The following MTUS2 variants were observed in gnomAD, a reference collection of about 807,000 sequenced individuals.
MTUS2 encodes microtubule associated scaffold protein 2, also known as microtubule-associated tumor suppressor candidate 2.
MTUS2 carries 40 observed loss-of-function variants against 114.1 expected under a neutral mutation model. The observed-to-expected ratio is 0.35, with a 90% CI of 0.27 to 0.46. The LOEUF is 0.46. Ranked by LOEUF, MTUS2 falls within the 20% of genes least tolerant of loss-of-function variation. The pLI is 1.00. For missense variants in MTUS2, 1,679 were observed against 1,705.4 expected (o/e 0.98, Z 0.27); for synonymous variants, 688 against 672.0 (o/e 1.02, Z -0.37).
intron 5 of MTUS2, among the ~76,000 whole-genome samples, chr13:29,159,300 TTCTC>T (rs1004314809): frequency 2.6e-5 from 4 of 152,306 alleles, no homozygotes; most frequent in South Asian, 4.2e-4. Flanking sequence ...TATTTTAATA[TTCTC>T]TCTCTATGTG....
chr13:28,855,442 A>G (rs1018232743), intron 2 of MTUS2, among the ~76,000 whole-genome samples: 1 of 152,100 alleles, frequency 6.6e-6, no homozygotes, highest in African/African-American at 2.4e-5. Flanking sequence ...CACTACTGAC[A>G]GGCCCCAGCG....
chr13:28,895,960 C>T (rs934744801), intron 2 of MTUS2, among the ~76,000 whole-genome samples: 2 of 151,960 alleles, frequency 1.3e-5, no homozygotes, highest in African/African-American at 2.4e-5. Flanking sequence ...TTTTTTTCTG[C>T]CCCTGATTAA....
chr13:28,963,304 T>A (rs1883418685), intron 2 of MTUS2, among the ~76,000 whole-genome samples: 1 of 152,152 alleles, frequency 6.6e-6, no homozygotes, highest in African/African-American at 2.4e-5. Context: ...TGAGCTGAGA[T>A]CGTGCCACTG....
intron 8 of MTUS2, among the ~76,000 whole-genome samples, chr13:29,384,487 G>A (rs182438678): frequency 1.4e-3 from 213 of 152,300 alleles, no homozygotes; most frequent in African/African-American, 5.0e-3. Context: ...AACCCAAACA[G>A]GCCATGAGAG....
chr13:29,330,272 T>A (rs1457811341), intron 7 of MTUS2, among the ~76,000 whole-genome samples: 1 of 152,200 alleles, frequency 6.6e-6, no homozygotes, highest in Non-Finnish European at 1.5e-5. Context: ...CTTTGCCCAC[T>A]TTTTGATGGG....
intron 2 of MTUS2, among the ~76,000 whole-genome samples, chr13:28,920,861 G>T (rs1881005646): frequency 6.6e-6 from 1 of 152,172 alleles, no homozygotes; most frequent in Non-Finnish European, 1.5e-5. Flanking sequence ...TTTCTCTCAG[G>T]CCACCACCGG....
At chr13:29,041,609 G>C (rs187810527) in intron 4 of MTUS2, among the ~76,000 whole-genome samples, 132 of 152,116 alleles carry the variant, frequency 8.7e-4, no homozygotes, top group African/African-American at 3.0e-3. Flanking sequence ...TGTGTCATCT[G>C]TGATTTTTTT....
At chr13:29,192,308 A>G (rs980564389) in intron 5 of MTUS2, among the ~76,000 whole-genome samples, 9 of 152,316 alleles carry the variant, frequency 5.9e-5, no homozygotes, top group East Asian at 3.9e-4. Flanking sequence ...TTCTTTGTTC[A>G]CCAAATGTTC....
chr13:29,017,410 T>G (rs1334778038), intron 2 of MTUS2, among the ~76,000 whole-genome samples: 1 of 152,142 alleles, frequency 6.6e-6, no homozygotes, highest in Non-Finnish European at 1.5e-5. Context: ...CATATGAAAA[T>G]TCACAACTGA....
At chr13:29,188,042 T>C (rs998239581) in intron 5 of MTUS2, among the ~76,000 whole-genome samples, 1 of 152,180 alleles carries the variant, frequency 6.6e-6, no homozygotes, top group Non-Finnish European at 1.5e-5. Context: ...TGGAGAATTT[T>C]CAAAAATTAT....
chr13:29,396,832 A>T (rs1240243429), intron 8 of MTUS2, among the ~76,000 whole-genome samples: 1 of 152,198 alleles, frequency 6.6e-6, no homozygotes, highest in Non-Finnish European at 1.5e-5. Flanking sequence ...ACTGTGTAGG[A>T]CCCACATCCA....
At chr13:29,057,806 A>T (rs1416114197) in intron 4 of MTUS2, among the ~76,000 whole-genome samples, 1 of 152,092 alleles carries the variant, frequency 6.6e-6, no homozygotes, top group Non-Finnish European at 1.5e-5. Context: ...CTTCAAAATT[A>T]ATATTGTTAT....
At chr13:29,420,841 G>C (rs1876042355) in intron 8 of MTUS2, among the ~76,000 whole-genome samples, 1 of 152,030 alleles carries the variant, frequency 6.6e-6, no homozygotes, top group Non-Finnish European at 1.5e-5. Flanking sequence ...AGAAACTTAA[G>C]GAGGCTGCCT....
chr13:28,833,503 A>G (rs1238372380), intron 1 of MTUS2, among the ~76,000 whole-genome samples: 1 of 152,142 alleles, frequency 6.6e-6, no homozygotes, highest in Non-Finnish European at 1.5e-5. Context: ...AAACCACTTG[A>G]CAAATTCAAA....
chr13:29,408,812 A>G (rs1041713726), intron 8 of MTUS2, among the ~76,000 whole-genome samples: 2 of 152,100 alleles, frequency 1.3e-5, no homozygotes, highest in Admixed American at 1.3e-4. Flanking sequence ...CTACTTGTAT[A>G]TATACTAAAA....
intron 2 of MTUS2, among the ~76,000 whole-genome samples, chr13:28,988,478 T>A (rs754359004): frequency 6.6e-6 from 1 of 152,228 alleles, no homozygotes; most frequent in Non-Finnish European, 1.5e-5. Flanking sequence ...CTTTTCAATT[T>A]CTATCCCTAC....
At chr13:29,170,860 C>T (rs1442467578) in intron 5 of MTUS2, among the ~76,000 whole-genome samples, 1 of 151,980 alleles carries the variant, frequency 6.6e-6, no homozygotes, top group Non-Finnish European at 1.5e-5. Flanking sequence ...TTTGAAACAG[C>T]TTTCTACATT....
intron 2 of MTUS2, among the ~76,000 whole-genome samples, chr13:28,867,905 T>G (rs1278993288): frequency 6.6e-6 from 1 of 152,220 alleles, no homozygotes; most frequent in South Asian, 2.1e-4. Flanking sequence ...CAAGATGTGT[T>G]GCTTGCTCAG....
intron 6 of MTUS2, among the ~76,000 whole-genome samples, chr13:29,290,283 G>A (rs1898651603): frequency 1.3e-5 from 2 of 152,094 alleles, no homozygotes; most frequent in South Asian, 2.1e-4. Context: ...CTGCATCTTG[G>A]TTTCCCTTTC....
Sources: gnomAD v4.1 joint callset for allele counts (sites outside exome capture counted in the v4.1 genomes callset) on GRCh38, gnomAD v4.1.1 for gene constraint, MANE v1.5 for transcripts, NCBI Gene and HGNC (gene_info 2026-07-23, HGNC 2026-07-21) for gene names.